The following MAPK4 variants were observed in gnomAD, a reference collection of about 807,000 sequenced individuals.
The protein encoded by MAPK4 is Erk3-related.
MAPK4 carries 22 observed loss-of-function variants against 47.7 expected under a neutral mutation model. That is an observed-to-expected ratio of 0.46 (90% confidence interval 0.33 to 0.66). The LOEUF (loss-of-function observed/expected upper bound fraction) is 0.66. Ranked by LOEUF, MAPK4 falls within the 30% of genes least tolerant of loss-of-function variation. MAPK4 has a pLI of 0.02. For synonymous variants in MAPK4, 390 were observed against 365.7 expected (o/e 1.07, Z -0.76); for missense variants, 736 against 831.7 (o/e 0.88, Z 1.42).
intron 1 of MAPK4, among the ~76,000 whole-genome samples, chr18:50,576,166 C>A (rs1337182537): frequency 6.6e-6 from 1 of 151,968 alleles, no homozygotes; most frequent in African/African-American, 2.4e-5. Context: ...GAATTTAAAT[C>A]GCTCTTCCAT....
chr18:50,689,696 G>A (rs12962731), intron 2 of MAPK4, among the ~76,000 whole-genome samples: 26,357 of 152,100 alleles, frequency 0.17, 2,493 homozygotes, highest in East Asian at 0.35. Context: ...GACCAGCCTC[G>A]GTTGGGCAAC....
At chr18:50,592,207 A>G (rs959016263) in intron 1 of MAPK4, among the ~76,000 whole-genome samples, 12 of 152,330 alleles carry the variant, frequency 7.9e-5, no homozygotes, top group Admixed American at 2.0e-4. Context: ...TAAAGAAGAT[A>G]AAGAAACAGC....
intron 2 of MAPK4, among the ~76,000 whole-genome samples, chr18:50,696,365 T>C (rs1169252684): frequency 6.6e-6 from 1 of 152,234 alleles, no homozygotes; most frequent in African/African-American, 2.4e-5. Flanking sequence ...ACAGCATCAG[T>C]CCTGAGTGGC....
chr18:50,582,105 C>T (rs1227310774), intron 1 of MAPK4, among the ~76,000 whole-genome samples: 2 of 152,142 alleles, frequency 1.3e-5, no homozygotes, highest in Non-Finnish European at 2.9e-5. Context: ...CTTGTTGGAG[C>T]AACTCAGGGA....
intron 1 of MAPK4, among the ~76,000 whole-genome samples, chr18:50,650,370 C>CA (rs2043035359): frequency 1.3e-5 from 2 of 151,330 alleles, no homozygotes; most frequent in South Asian, 2.1e-4. Context: ...TCCCTAGCTC[C>CA]TCCTGTTTGT....
chr18:50,706,721 A>G (rs1207980372), intron 2 of MAPK4, among the ~76,000 whole-genome samples: 1 of 152,170 alleles, frequency 6.6e-6, no homozygotes, highest in Non-Finnish European at 1.5e-5. Context: ...AATGCCCCAC[A>G]GAGGAGAACT....
intron 1 of MAPK4, among the ~76,000 whole-genome samples, chr18:50,645,812 C>T (rs1412713085): frequency 6.6e-6 from 1 of 152,178 alleles, no homozygotes; most frequent in Non-Finnish European, 1.5e-5. Context: ...CCCAGTTCTG[C>T]CACTTTCCAG....
intron 1 of MAPK4, among the ~76,000 whole-genome samples, chr18:50,591,304 A>G (rs960226825): frequency 1.6e-4 from 24 of 152,118 alleles, no homozygotes. Context: ...TAAGATCCAC[A>G]ACTAATTAGA....
chr18:50,631,463 G>C (rs1221643011), intron 1 of MAPK4, among the ~76,000 whole-genome samples: 1 of 152,176 alleles, frequency 6.6e-6, no homozygotes, highest in Non-Finnish European at 1.5e-5. Context: ...GTTGCCATCA[G>C]AGGCTGGCAG....
chr18:50,617,462 T>C (rs2042694468), intron 1 of MAPK4, among the ~76,000 whole-genome samples: 1 of 152,190 alleles, frequency 6.6e-6, no homozygotes, highest in South Asian at 2.1e-4. Context: ...AACATGACTT[T>C]CCAGGGACTA....
At chr18:50,719,389 C>T (rs796133564) in intron 3 of MAPK4, among the ~76,000 whole-genome samples, 21 of 152,250 alleles carry the variant, frequency 1.4e-4, no homozygotes, top group African/African-American at 4.3e-4. Flanking sequence ...CCTATCTGTG[C>T]CCAGGGTGAG....
Position 50,717,873 on chromosome 18 carries a change from C to T in MAPK4, c.691+2650C>T, listed in dbSNP as rs1369057638. The stretch of plus-strand genomic sequence containing the variant: ...CAGGTGAAAAGGAGCTGCCCACTCA[C>T]CTGTCAAAGCCCCTGGCTCTCACAG... On this transcript the variant is annotated intron_variant, in intron 3 of 5. Coordinates refer to ENST00000400384, the MANE Select transcript of MAPK4 (RefSeq NM_002747.4). 3.3e-5 allele frequency among the ~76,000 whole-genome samples: 5 copies of T among 152,360 alleles called. 1 individual carries two copies. The South Asian group carries it at 8.3e-4, about 25-fold the overall frequency.
At chr18:50,596,749 G>A (rs1425037862) in intron 1 of MAPK4, among the ~76,000 whole-genome samples, 3 of 152,208 alleles carry the variant, frequency 2.0e-5, no homozygotes, top group Non-Finnish European at 4.4e-5. Flanking sequence ...GAGAAACTTG[G>A]CAATTATCAT....
At chr18:50,611,206 A>G (rs577356113) in intron 1 of MAPK4, among the ~76,000 whole-genome samples, 1 of 152,338 alleles carries the variant, frequency 6.6e-6, no homozygotes, top group East Asian at 1.9e-4. Flanking sequence ...GCATGATCAC[A>G]TGACTTGGAG....
intron 1 of MAPK4, among the ~76,000 whole-genome samples, chr18:50,592,099 TG>T: frequency 6.6e-6 from 1 of 152,286 alleles, no homozygotes; most frequent in Non-Finnish European, 1.5e-5. Context: ...AATTAGAGAC[TG>T]GGAAAGGACT....
chr18:50,585,806 C>A (rs2042383110), intron 1 of MAPK4, among the ~76,000 whole-genome samples: 2 of 152,166 alleles, frequency 1.3e-5, no homozygotes, highest in South Asian at 4.1e-4. Flanking sequence ...AGAAGGTAAA[C>A]CAAACATGTC....
At chr18:50,716,756 C>T (rs1275443467) in intron 3 of MAPK4, among the ~76,000 whole-genome samples, 2 of 152,182 alleles carry the variant, frequency 1.3e-5, no homozygotes, top group African/African-American at 2.4e-5. Flanking sequence ...TGGCCTCAGC[C>T]TCCCTGTGAG....
chr18:50,646,664 C>T (rs1206263514), intron 1 of MAPK4, among the ~76,000 whole-genome samples: 1 of 152,200 alleles, frequency 6.6e-6, no homozygotes, highest in Non-Finnish European at 1.5e-5. Context: ...AATGATGACC[C>T]CCCTTGCTCA....
At chr18:50,559,883 A>G (rs1427192393), upstream of MAPK4, among the ~76,000 whole-genome samples, 2 of 150,450 alleles carry the variant, frequency 1.3e-5, no homozygotes, top group South Asian at 2.1e-4. Context: ...GGAAGGCCCC[A>G]GGACCGCGCG....
Sources: gnomAD v4.1 joint callset for allele counts (sites outside exome capture counted in the v4.1 genomes callset) on GRCh38, gnomAD v4.1.1 for gene constraint, MANE v1.5 for transcripts, NCBI Gene and HGNC (gene_info 2026-07-23, HGNC 2026-07-21) for gene names.